FNDC3B: variants seen among roughly 807,000 people sequenced by gnomAD.
FNDC3B encodes the protein fibronectin type III domain containing 3B.
Under a neutral mutation model 151.5 loss-of-function variants are expected in FNDC3B, and 12 were observed. The observed-to-expected ratio is 0.08, with a 90% CI of 0.05 to 0.13. The LOEUF is 0.13. FNDC3B is among the 10% of genes least tolerant of loss of function. The pLI is 1.00. For missense variants in FNDC3B, 1,214 were observed against 1,505.3 expected (o/e 0.81, Z 3.20); for synonymous variants, 528 against 549.0 (o/e 0.96, Z 0.54).
rs73027384 is a variant in FNDC3B at position 172,237,850 on chromosome 3, A to G, written c.265-9683A>G. On this transcript the variant is annotated intron_variant, in intron 4 of 25. Coordinates refer to ENST00000415807, the MANE Select transcript of FNDC3B (RefSeq NM_022763.4). The stretch of plus-strand genomic sequence containing the variant: ...CCTGATTCAGAAGAGGATATCTGTT[A>G]TCAAGCTGTAAGTACTCTGCAGGAT... Among the ~76,000 whole-genome samples the G allele has an allele frequency of 7.0e-3, 1,070 of 152,348 alleles. 17 individuals are homozygous for G. Among genetic ancestry groups the G allele is most frequent in the African/African-American group, 0.025 (1,023 of 41,582 alleles).
chr3:172,222,043 T>G (rs929507611), intron 3 of FNDC3B, among the ~76,000 whole-genome samples: 1 of 152,244 alleles, frequency 6.6e-6, no homozygotes, highest in Non-Finnish European at 1.5e-5. Context: ...ATTTCATCTT[T>G]GCCTTATTTT....
intron 25 of FNDC3B, among the ~76,000 whole-genome samples, chr3:172,395,206 A>C (rs191534702): frequency 1.3e-5 from 2 of 152,230 alleles, no homozygotes; most frequent in African/African-American, 4.8e-5. Flanking sequence ...TTATCAGCCA[A>C]ATCGCTTATT....
intron 25 of FNDC3B, 133 bp downstream of exon 25, chr3:172,381,226 T>C (rs1158402763): frequency 2.1e-6 from 2 of 950,580 alleles, no homozygotes; most frequent in Non-Finnish European, 1.5e-6. Flanking sequence ...CTTGTACTTA[T>C]TGTATAATTC....
intron 5 of FNDC3B, among the ~76,000 whole-genome samples, chr3:172,248,714 ATTAT>A (rs907282135): frequency 5.5e-5 from 8 of 146,460 alleles, no homozygotes; most frequent in African/African-American, 1.5e-4. Flanking sequence ...TATATAATTA[ATTAT>A]TTATTTATAA....
At chr3:172,186,666 G>A (rs1349754780) in intron 3 of FNDC3B, 1 of 680,832 alleles carries the variant, frequency 1.5e-6, no homozygotes, top group Non-Finnish European at 2.6e-6. Flanking sequence ...GAAAATTTGA[G>A]TCCTCATTTA....
chr3:172,137,787 G>A (rs542372535), intron 3 of FNDC3B, among the ~76,000 whole-genome samples: 1 of 152,120 alleles, frequency 6.6e-6, no homozygotes, highest in African/African-American at 2.4e-5. Flanking sequence ...TGAATCATAG[G>A]TCTTGAAGGG....
At chr3:172,342,168 C>T (rs1733358055) in intron 17 of FNDC3B, among the ~76,000 whole-genome samples, 2 of 152,174 alleles carry the variant, frequency 1.3e-5, no homozygotes. Context: ...TTCTTTTGCC[C>T]CCAAGGATGG....
intron 6 of FNDC3B, among the ~76,000 whole-genome samples, chr3:172,258,938 G>A (rs1728507929): frequency 6.6e-6 from 1 of 152,146 alleles, no homozygotes; most frequent in East Asian, 1.9e-4. Flanking sequence ...GCTCAGACGA[G>A]GTGTTTTGGA....
intron 3 of FNDC3B, among the ~76,000 whole-genome samples, chr3:172,225,060 C>T (rs908760158): frequency 6.6e-6 from 1 of 152,250 alleles, no homozygotes. Context: ...TCTTGGGTAA[C>T]TGTTAACCTT....
At chr3:172,092,557 TACCCAGTCCATC>T (rs1182310541) in intron 1 of FNDC3B, among the ~76,000 whole-genome samples, 2 of 152,176 alleles carry the variant, frequency 1.3e-5, no homozygotes, top group African/African-American at 4.8e-5. Flanking sequence ...GTCTAGTCAT[TACCCAGTCCATC>T]ACCCTCCTTT....
intron 3 of FNDC3B, among the ~76,000 whole-genome samples, chr3:172,143,342 T>A (rs1721724742): frequency 6.6e-6 from 1 of 152,166 alleles, no homozygotes; most frequent in Admixed American, 6.6e-5. Context: ...CCTGTAAAAA[T>A]GCATGAGGGA....
At chr3:172,364,812 A>T (rs1164990113) in intron 23 of FNDC3B, among the ~76,000 whole-genome samples, 1 of 152,238 alleles carries the variant, frequency 6.6e-6, no homozygotes, top group Non-Finnish European at 1.5e-5. Flanking sequence ...GACTTGCCTA[A>T]ATTTAAATGG....
At chr3:172,172,384 G>A (rs1723327004) in intron 3 of FNDC3B, among the ~76,000 whole-genome samples, 1 of 152,164 alleles carries the variant, frequency 6.6e-6, no homozygotes, top group Non-Finnish European at 1.5e-5. Flanking sequence ...ATTAAAAGTA[G>A]GAATAGCTAC....
At position 172,371,618 on chromosome 3, in the gene FNDC3B, T is replaced by A. The variant is rs368069739; in HGVS notation, c.3009-6652T>A. 7.1e-4 allele frequency among the ~76,000 whole-genome samples: 108 copies of A among 152,336 alleles called. 1 individual carries two copies. Among genetic ancestry groups the A allele is most frequent in the African/African-American group, 2.3e-3 (94 of 41,572 alleles). ...AGTTTATTTCCCCTTTCCAAGTAAA[T>A]ATTCTTAGTGTAGGAGAGCATTTCT... On this transcript the variant is annotated intron_variant, in intron 23 of 25. Transcript: ENST00000415807.
At chr3:172,107,370 A>G (rs973162018) in intron 1 of FNDC3B, among the ~76,000 whole-genome samples, 1 of 152,080 alleles carries the variant, frequency 6.6e-6, no homozygotes, top group African/African-American at 2.4e-5. Context: ...GAGATGATCT[A>G]CTTTCTGTTT....
chr3:172,050,396 T>A (rs1351683548), intron 1 of FNDC3B, among the ~76,000 whole-genome samples: 1 of 151,996 alleles, frequency 6.6e-6, no homozygotes, highest in Non-Finnish European at 1.5e-5. Flanking sequence ...TTTCTTTTTT[T>A]TTTTTAAGAT....
At chr3:172,273,625 G>A (rs1398935953) in intron 6 of FNDC3B, among the ~76,000 whole-genome samples, 1 of 152,224 alleles carries the variant, frequency 6.6e-6, no homozygotes, top group Non-Finnish European at 1.5e-5. Context: ...TGCTAGGAAG[G>A]TCAAATTAGG....
At chr3:172,287,789 G>T (rs1351692740) in intron 7 of FNDC3B, among the ~76,000 whole-genome samples, 1 of 152,170 alleles carries the variant, frequency 6.6e-6, no homozygotes, top group East Asian at 1.9e-4. Flanking sequence ...AGATTCATTG[G>T]TCCTTTTTCT....
chr3:172,392,813 T>TCTTTTTTTTTTC (rs200428505), intron 25 of FNDC3B, among the ~76,000 whole-genome samples: 1 of 141,908 alleles, frequency 7.0e-6, no homozygotes, highest in Non-Finnish European at 1.6e-5. Flanking sequence ...TTTTTTTCTT[T>TCTTTTTTTTTTC]TTTTTTTTTC....
Sources: gnomAD v4.1 joint callset for allele counts (sites outside exome capture counted in the v4.1 genomes callset) on GRCh38, gnomAD v4.1.1 for gene constraint, MANE v1.5 for transcripts, NCBI Gene and HGNC (gene_info 2026-07-23, HGNC 2026-07-21) for gene names.